NUP93: variants seen among roughly 807,000 people sequenced by gnomAD.
The protein encoded by NUP93 is nucleoporin 93.
NUP93 carries 55 observed loss-of-function variants against 107.8 expected under a neutral mutation model. The observed-to-expected ratio is 0.51, with a 90% CI of 0.41 to 0.64. The LOEUF (loss-of-function observed/expected upper bound fraction) is 0.64, where lower values mean the gene tolerates loss of function less well. Ranked by LOEUF, NUP93 falls within the 30% of genes least tolerant of loss-of-function variation. NUP93 has a pLI of 0.00. For missense variants in NUP93, 937 were observed against 1,044.7 expected (o/e 0.90, Z 1.42); for synonymous variants, 390 against 397.5 (o/e 0.98, Z 0.22).
chr16:56,805,217 C>T (rs1963109665), intron 4 of NUP93, among the ~76,000 whole-genome samples: 1 of 152,104 alleles, frequency 6.6e-6, no homozygotes, highest in East Asian at 1.9e-4. Flanking sequence ...ACCACCGTGC[C>T]CAGCTAACTT....
chr16:56,805,837 C>T (rs1042716458), intron 5 of NUP93, among the ~76,000 whole-genome samples: 3 of 151,952 alleles, frequency 2.0e-5, no homozygotes, highest in Non-Finnish European at 4.4e-5. Flanking sequence ...GCTGAGCTTT[C>T]CTCAAATTCC....
intron 3 of NUP93, among the ~76,000 whole-genome samples, chr16:56,778,787 C>G (rs749849879): frequency 1.3e-5 from 2 of 152,094 alleles, no homozygotes; most frequent in Non-Finnish European, 2.9e-5. Flanking sequence ...TGGAAATGCT[C>G]CTGAAGCATT....
At chr16:56,841,970 AG>A in intron 21 of NUP93, 137 bp downstream of exon 21, 1 of 1,035,850 alleles carries the variant, frequency 9.7e-7, no homozygotes, top group Non-Finnish European at 1.4e-6. Flanking sequence ...ATCTCGTGTT[AG>A]GAGGCTCCCA....
At chr16:56,808,115 A>ATTATATAAATATATTAAATATAT (rs1963187867) in intron 5 of NUP93, among the ~76,000 whole-genome samples, 4 of 123,856 alleles carry the variant, frequency 3.2e-5, no homozygotes, top group Admixed American at 8.9e-5. Flanking sequence ...ATAAATATAT[A>ATTATATAAATATATTAAATATAT]TTATATAACT....
At chr16:56,837,971 A>G (rs1226648543) in intron 18 of NUP93, among the ~76,000 whole-genome samples, 1 of 152,218 alleles carries the variant, frequency 6.6e-6, no homozygotes, top group Non-Finnish European at 1.5e-5. Context: ...GCATCTCAGT[A>G]TTTTAATCAT....
intron 7 of NUP93, among the ~76,000 whole-genome samples, chr16:56,822,971 G>C (rs1963579221): frequency 6.6e-6 from 1 of 152,126 alleles, no homozygotes; most frequent in Non-Finnish European, 1.5e-5. Flanking sequence ...GTATAAACCT[G>C]CTTTTTCTCC....
At chr16:56,826,925 A>G (rs1963674389) in intron 8 of NUP93, among the ~76,000 whole-genome samples, 1 of 151,666 alleles carries the variant, frequency 6.6e-6, no homozygotes, top group Admixed American at 6.6e-5. Flanking sequence ...GCACACCTGT[A>G]GTCCCAGCTA....
In NUP93 at chr16:56,841,695, C is replaced by G; in HGVS notation, c.2221-10C>G. ...TTCTTTTTCTTTACTCTGTTTTTCT[C>G]TCTATGTAGATCAGGCACAACCTCT... On this transcript the variant is annotated splice_polypyrimidine_tract_variant and intron_variant, in intron 20 of 21. Transcript: ENST00000308159. 6.2e-7 allele frequency: 1 copy of G among 1,613,228 alleles called. No individual in the cohort carries two copies. Among genetic ancestry groups the G allele is most frequent in the African/African-American group, 1.3e-5 (1 of 74,966 alleles).
At chr16:56,796,500 A>G (rs1962900566) in intron 3 of NUP93, among the ~76,000 whole-genome samples, 1 of 152,218 alleles carries the variant, frequency 6.6e-6, no homozygotes, top group African/African-American at 2.4e-5. Context: ...TATCCCTGTT[A>G]TTAAATGATG....
intron 3 of NUP93, among the ~76,000 whole-genome samples, chr16:56,765,803 G>A (rs1308197627): frequency 2.0e-5 from 3 of 152,190 alleles, no homozygotes; most frequent in Admixed American, 6.5e-5. Context: ...ACAGAGGCAG[G>A]CTAATGTGCC....
At chr16:56,838,640 A>T (rs1963959708) in intron 18 of NUP93, among the ~76,000 whole-genome samples, 1 of 152,182 alleles carries the variant, frequency 6.6e-6, no homozygotes, top group Non-Finnish European at 1.5e-5. Context: ...GTCATAGCTC[A>T]CTGTAACCTT....
Position 56,839,030 on chromosome 16 carries a change from T to G in NUP93, c.2097T>G (p.Phe699Leu), listed in dbSNP as rs1225198785. The G allele has an allele frequency of 1.2e-6, 2 of 1,614,008 alleles. No individual in the cohort carries two copies. Among genetic ancestry groups the G allele is most frequent in the Non-Finnish European group, 1.7e-6 (2 of 1,179,966 alleles). The change falls in exon 19 of 22, where the codon TTT becomes TTG. Residue 699 changes from phenylalanine (F) to leucine (L), a missense_variant. Coordinates refer to ENST00000308159, the MANE Select transcript of NUP93 (RefSeq NM_014669.5). ...FYLLLDLITFFDEYHSGHIDR... is the reference protein window; with the variant it reads ...FYLLLDLITFLDEYHSGHIDR... ...TTCTTTTGGACTTGATCACCTTTTT[T>G]GACGAGTATCATAGTGGTCATATTG...
At chr16:56,797,670 A>G (rs1396625436) in intron 3 of NUP93, among the ~76,000 whole-genome samples, 1 of 152,198 alleles carries the variant, frequency 6.6e-6, no homozygotes, top group African/African-American at 2.4e-5. Flanking sequence ...GATCCTAATA[A>G]TAGAGCTACA....
intron 1 of NUP93, among the ~76,000 whole-genome samples, chr16:56,734,144 T>C (rs1961575253): frequency 6.6e-6 from 1 of 152,188 alleles, no homozygotes; most frequent in Admixed American, 6.5e-5. Flanking sequence ...ATGCCAGAAA[T>C]TGATAACATA....
chr16:56,791,912 A>G (rs138413135), intron 3 of NUP93, among the ~76,000 whole-genome samples: 10 of 152,374 alleles, frequency 6.6e-5, no homozygotes, highest in Non-Finnish European at 1.5e-4. Flanking sequence ...AATGAGTTCA[A>G]GCTTTTAGAC....
In NUP93 at chr16:56,830,699, G is replaced by A; in HGVS notation, c.1085+14G>A. On this transcript the variant is annotated intron_variant, in intron 10 of 21. Coordinates refer to ENST00000308159, the MANE Select transcript of NUP93 (RefSeq NM_014669.5). ...CAAGGACAGAAGGTATGGTGAATGAGGTGGCACGCCCAGGGGCAGCCATGC... is the reference window on the plus strand; with the variant it reads ...CAAGGACAGAAGGTATGGTGAATGAAGTGGCACGCCCAGGGGCAGCCATGC... 6.5e-7 allele frequency: 1 copy of A among 1,549,748 alleles called. No individual in the cohort carries two copies. Among genetic ancestry groups the A allele is most frequent in the Non-Finnish European group, 8.8e-7 (1 of 1,135,860 alleles).
intron 19 of NUP93, 41 bp downstream of exon 19, chr16:56,839,110 C>A: frequency 7.3e-7 from 1 of 1,374,216 alleles, no homozygotes; most frequent in Non-Finnish European, 1.0e-6. Flanking sequence ...GGTTAATGTA[C>A]ACCCTCGAAA....
intron 17 of NUP93, 55 bp from the exon 18 acceptor site, chr16:56,837,553 T>A (rs1310330884): frequency 7.2e-7 from 1 of 1,387,052 alleles, no homozygotes; most frequent in Non-Finnish European, 1.0e-6. Context: ...TATATAGTTG[T>A]TCCTTTTATT....
At chr16:56,751,705 C>T (rs1424596540) in intron 2 of NUP93, among the ~76,000 whole-genome samples, 1 of 152,118 alleles carries the variant, frequency 6.6e-6, no homozygotes, top group African/African-American at 2.4e-5. Context: ...GAGACTTGAA[C>T]CCAGGCCTCC....
Sources: gnomAD v4.1 joint callset for allele counts (sites outside exome capture counted in the v4.1 genomes callset) on GRCh38, gnomAD v4.1.1 for gene constraint, MANE v1.5 for transcripts, NCBI Gene and HGNC (gene_info 2026-07-23, HGNC 2026-07-21) for gene names.